HEG1: variants seen among roughly 807,000 people sequenced by gnomAD.
The protein encoded by HEG1 is protein HEG homolog 1.
HEG1 carries 56 observed loss-of-function variants against 125.6 expected under a neutral mutation model. The observed-to-expected ratio is 0.45, with a 90% CI of 0.36 to 0.56. The LOEUF is 0.56. Among genes scored for constraint, HEG1 ranks in the 20% least tolerant of loss-of-function variants. HEG1 has a pLI of 0.00. For missense variants in HEG1, 1,523 were observed against 1,670.0 expected, an observed-to-expected ratio of 0.91 and a Z score of 1.53; for synonymous variants, 644 against 668.5, an observed-to-expected ratio of 0.96 and a Z score of 0.57.
chr3:125,009,626 A>G, intron 8 of HEG1, 79 bp downstream of exon 8: 3 of 1,406,994 alleles, frequency 2.1e-6, no homozygotes, highest in Admixed American at 4.5e-5. Context: ...GATTTTGGTT[A>G]GCAAGAAAAA....
At chr3:125,045,913 G>A (rs1282246212) in intron 1 of HEG1, among the ~76,000 whole-genome samples, 2 of 152,142 alleles carry the variant, frequency 1.3e-5, no homozygotes, top group Admixed American at 6.5e-5. Flanking sequence ...CCAAGGTCAT[G>A]GCCAGTTCAC....
intron 11 of HEG1, among the ~76,000 whole-genome samples, chr3:125,000,527 A>G (rs554258761): frequency 1.6e-4 from 25 of 152,332 alleles, no homozygotes; most frequent in African/African-American, 5.8e-4. Context: ...AGTTTCGAGC[A>G]TGATATAATG....
At chr3:125,051,756 T>G (rs139735936) in intron 1 of HEG1, among the ~76,000 whole-genome samples, 10 of 152,360 alleles carry the variant, frequency 6.6e-5, no homozygotes, top group African/African-American at 2.4e-4. Flanking sequence ...GGGAAGCCAC[T>G]GAAGAAGGCA....
chr3:124,968,283 T>G lies in HEG1; in HGVS notation c.*2369A>C, dbSNP rs1936354807. On this transcript the variant is annotated 3_prime_UTR_variant, in exon 17 of 17. Coordinates refer to ENST00000311127, the MANE Select transcript of HEG1 (RefSeq NM_020733.2). ...TGCAGCTGGCCTCTCCCTTCCTCAC[T>G]GGGTCACAGACATGCTTTACTCATG... 1 of 152,354 alleles carries G rather than the reference T, an allele frequency of 6.6e-6. No homozygotes were observed. The highest frequency in any genetic ancestry group is 1.9e-4 in the East Asian group (1 of 5,184). 9.4% of individuals were successfully genotyped at this position (152,354 alleles called of 1,614,324 possible). A position where few individuals can be genotyped will look rare whatever the true frequency, so the allele number is the denominator to read the frequency against.
At chr3:125,030,033 A>G (rs796869010) in intron 1 of HEG1, among the ~76,000 whole-genome samples, 26 of 152,352 alleles carry the variant, frequency 1.7e-4, no homozygotes, top group African/African-American at 6.3e-4. Flanking sequence ...ATTGATAGAA[A>G]GAGATCAACA....
intron 1 of HEG1, among the ~76,000 whole-genome samples, chr3:125,051,238 A>G (rs2228674): frequency 0.15 from 22,166 of 152,224 alleles, 2,164 homozygotes; most frequent in Non-Finnish European, 0.21. Flanking sequence ...TTTTTACTCA[A>G]TAGGTGTCCT....
At chr3:125,052,733 C>T (rs973078439) in intron 1 of HEG1, among the ~76,000 whole-genome samples, 1 of 152,212 alleles carries the variant, frequency 6.6e-6, no homozygotes, top group Non-Finnish European at 1.5e-5. Flanking sequence ...CAGCAATAAA[C>T]ATCAGCTGAA....
At chr3:124,981,605 C>T (rs559496341) in intron 14 of HEG1, among the ~76,000 whole-genome samples, 3 of 152,260 alleles carry the variant, frequency 2.0e-5, no homozygotes, top group African/African-American at 4.8e-5. Context: ...GAGGCTTCTA[C>T]GGGATGGTGC....
At chr3:125,042,194 G>A (rs1388223572) in intron 1 of HEG1, among the ~76,000 whole-genome samples, 1 of 152,184 alleles carries the variant, frequency 6.6e-6, no homozygotes, top group Non-Finnish European at 1.5e-5. Flanking sequence ...TTGGGAGGCC[G>A]AGGCGGGTGG....
chr3:125,047,524 G>C (rs1560036731), intron 1 of HEG1, among the ~76,000 whole-genome samples: 1 of 152,148 alleles, frequency 6.6e-6, no homozygotes, highest in Non-Finnish European at 1.5e-5. Flanking sequence ...TCCAAGCCGG[G>C]ACCTCTGTGG....
chr3:125,028,098 T>C (rs547657227), intron 2 of HEG1, among the ~76,000 whole-genome samples: 1 of 151,544 alleles, frequency 6.6e-6, no homozygotes, highest in South Asian at 2.1e-4. Flanking sequence ...CTCCTCTTCA[T>C]CCCTGTGGCC....
chr3:125,000,506 T>C (rs931985857), intron 11 of HEG1, among the ~76,000 whole-genome samples: 1 of 152,060 alleles, frequency 6.6e-6, no homozygotes, highest in Non-Finnish European at 1.5e-5. Context: ...AGTAAAACCA[T>C]AGAGTCTCAA....
intron 1 of HEG1, among the ~76,000 whole-genome samples, chr3:125,049,731 T>C (rs1329319054): frequency 6.6e-6 from 1 of 152,168 alleles, no homozygotes; most frequent in African/African-American, 2.4e-5. Flanking sequence ...CCATGCTCTG[T>C]CCTCAGTCTT....
chr3:124,970,534 C>G lies in HEG1; in HGVS notation c.*118G>C. The G allele has an allele frequency of 1.2e-6, 1 of 856,532 alleles. No individual in the cohort carries two copies. Among genetic ancestry groups the G allele is most frequent in the Non-Finnish European group, 1.8e-6 (1 of 557,982 alleles). The allele number at this position is 856,532 out of a possible 1,614,324, so 53.1% of individuals were successfully genotyped here. A position where few individuals can be genotyped will look rare whatever the true frequency, so the allele number is the denominator to read the frequency against. On this transcript the variant is annotated 3_prime_UTR_variant, in exon 17 of 17. Transcript: ENST00000311127. Reference sequence around the variant, plus strand: ...CACGCCCCGCATGCCTGTCCCTCTTCCTGCTTGCCACTCAGCGTGGCTCCC... The same window carrying G: ...CACGCCCCGCATGCCTGTCCCTCTTGCTGCTTGCCACTCAGCGTGGCTCCC...
chr3:125,020,691 A>C, intron 4 of HEG1, 101 bp downstream of exon 4: 1 of 962,264 alleles, frequency 1.0e-6, no homozygotes, highest in Non-Finnish European at 1.6e-6. Flanking sequence ...TAAAAAGCAC[A>C]CTTTTCTCTG....
At chr3:125,022,694 AAGAAATAAAT>A (rs745469458) in intron 3 of HEG1, among the ~76,000 whole-genome samples, 2,640 of 144,644 alleles carry the variant, frequency 0.018, 70 homozygotes, top group African/African-American at 0.062. Context: ...TAAAAAAAAA[AAGAAATAAAT>A]AAATAAAAAG....
At chr3:125,053,804 C>T (rs1489779190) in intron 1 of HEG1, among the ~76,000 whole-genome samples, 4 of 152,214 alleles carry the variant, frequency 2.6e-5, no homozygotes, top group Non-Finnish European at 4.4e-5. Flanking sequence ...GGCCCCAATT[C>T]TTACCAGCTG....
Position 125,002,032 on chromosome 3 carries a change from GT to G in HEG1, c.3357-21del. 1 of 1,613,460 alleles carries G rather than the reference GT, an allele frequency of 6.2e-7. No individual in the cohort carries two copies. The highest frequency in any genetic ancestry group is 1.1e-5 in the South Asian group (1 of 90,912). The stretch of plus-strand genomic sequence containing the variant: ...GACTCCCTATAGGCAAAGTTTGTGG[GT>G]TTTTAACAGCCCTGAAATGACACGT... On this transcript the variant is annotated intron_variant, in intron 10 of 16. Transcript: ENST00000311127.
chr3:124,990,729 C>A, intron 14 of HEG1, 58 bp downstream of exon 14: 1 of 1,483,120 alleles, frequency 6.7e-7, no homozygotes, highest in Non-Finnish European at 9.2e-7. Context: ...GACACCTGTG[C>A]ACTAACAACA....
Sources: gnomAD v4.1 joint callset for allele counts (sites outside exome capture counted in the v4.1 genomes callset) on GRCh38, gnomAD v4.1.1 for gene constraint, MANE v1.5 for transcripts, NCBI Gene and HGNC (gene_info 2026-07-23, HGNC 2026-07-21) for gene names.